PTPRD: variants seen among roughly 807,000 people sequenced by gnomAD.
PTPRD encodes protein tyrosine phosphatase receptor type D, also known as receptor-type tyrosine-protein phosphatase delta.
Under a neutral mutation model 214.5 loss-of-function variants are expected in PTPRD, and 34 were observed. The ratio of observed to expected loss-of-function variants is 0.16; its 90% CI spans 0.12 to 0.21. PTPRD has a LOEUF of 0.21. Among genes scored for constraint, PTPRD ranks in the 10% least tolerant of loss-of-function variants. The probability of loss-of-function intolerance (pLI) is 1.00; values close to 1 mark genes in which losing one functional copy is unlikely to be tolerated. For synonymous variants in PTPRD, 1,128 were observed against 845.7 expected (o/e 1.33, Z -5.79); for missense variants, 2,545 against 2,398.7 (o/e 1.06, Z -1.27).
At chr9:8,440,377 G>A (rs1170481763) in intron 34 of PTPRD, among the ~76,000 whole-genome samples, 2 of 151,548 alleles carry the variant, frequency 1.3e-5, no homozygotes. Context: ...GTGCAGTGGT[G>A]CAATCTCGGC....
At chr9:8,359,278 C>T (rs2077842624) in intron 39 of PTPRD, among the ~76,000 whole-genome samples, 1 of 151,804 alleles carries the variant, frequency 6.6e-6, no homozygotes, top group South Asian at 2.1e-4. Flanking sequence ...CCCACCCCAA[C>T]CTAGAGAATC....
chr9:10,272,009 TG>T (rs2094450223), intron 3 of PTPRD, among the ~76,000 whole-genome samples: 1 of 151,372 alleles, frequency 6.6e-6, no homozygotes, highest in African/African-American at 2.4e-5. Context: ...ATATGAATTT[TG>T]TTATATTCAC....
At chr9:8,855,557 C>G (rs1029824291) in intron 11 of PTPRD, among the ~76,000 whole-genome samples, 1 of 152,076 alleles carries the variant, frequency 6.6e-6, no homozygotes, top group African/African-American at 2.4e-5. Context: ...TTGAGAGAGA[C>G]AGTGTTCCTA....
At chr9:10,232,328 T>C (rs961918340) in intron 3 of PTPRD, among the ~76,000 whole-genome samples, 6 of 151,988 alleles carry the variant, frequency 3.9e-5, no homozygotes, top group Admixed American at 3.9e-4. Flanking sequence ...CCAGAAATTA[T>C]ACTCTCCTCT....
chr9:9,356,358 C>A (rs2053786002), intron 9 of PTPRD, among the ~76,000 whole-genome samples: 1 of 151,254 alleles, frequency 6.6e-6, no homozygotes, highest in Non-Finnish European at 1.5e-5. Context: ...TGAGGGACAT[C>A]TAATGCAGAT....
intron 4 of PTPRD, among the ~76,000 whole-genome samples, chr9:10,030,429 T>C (rs2097036475): frequency 6.6e-6 from 1 of 152,192 alleles, no homozygotes; most frequent in Admixed American, 6.5e-5. Flanking sequence ...GTTGATTTGT[T>C]TCTCAGAAAT....
chr9:9,714,233 G>A (rs1296402883), intron 7 of PTPRD, among the ~76,000 whole-genome samples: 1 of 152,016 alleles, frequency 6.6e-6, no homozygotes, highest in Non-Finnish European at 1.5e-5. Context: ...TATAGCACAT[G>A]TTGTCTTGTA....
intron 3 of PTPRD, among the ~76,000 whole-genome samples, chr9:10,105,781 G>A (rs1452821333): frequency 6.6e-6 from 1 of 151,702 alleles, no homozygotes; most frequent in East Asian, 1.9e-4. Flanking sequence ...CAGTACAAGT[G>A]AAAGTGTAGT....
chr9:9,069,078 TAAG>T (rs1393201501), intron 10 of PTPRD, among the ~76,000 whole-genome samples: 1 of 152,186 alleles, frequency 6.6e-6, no homozygotes, highest in African/African-American at 2.4e-5. Flanking sequence ...TTTTATTCAA[TAAG>T]ACTACAGTGT....
intron 3 of PTPRD, among the ~76,000 whole-genome samples, chr9:10,240,479 T>C (rs997055173): frequency 2.6e-5 from 4 of 151,910 alleles, no homozygotes; most frequent in Non-Finnish European, 5.9e-5. Context: ...GAATGCATCA[T>C]AAAAGATCAC....
chr9:8,844,578 T>C, intron 11 of PTPRD, among the ~76,000 whole-genome samples: 1 of 152,210 alleles, frequency 6.6e-6, no homozygotes. Flanking sequence ...ACTAACCATC[T>C]GTACAATAAT....
At chr9:9,598,839 T>G (rs1308401816) in intron 7 of PTPRD, among the ~76,000 whole-genome samples, 1 of 152,022 alleles carries the variant, frequency 6.6e-6, no homozygotes, top group Non-Finnish European at 1.5e-5. Context: ...ATTCTGGCTT[T>G]ACTAATTCTC....
At chr9:9,348,099 T>C (rs576293028) in intron 9 of PTPRD, among the ~76,000 whole-genome samples, 11 of 152,238 alleles carry the variant, frequency 7.2e-5, no homozygotes, top group Non-Finnish European at 1.2e-4. Flanking sequence ...ATTGAATAGG[T>C]TGCTAATGCA....
chr9:9,601,109 ATATGTG>A (rs1274609067), intron 7 of PTPRD, among the ~76,000 whole-genome samples: 309 of 102,164 alleles, frequency 3.0e-3, no homozygotes, highest in African/African-American at 9.9e-3. Context: ...AGAGATTAAT[ATATGTG>A]TGTGTGTGTG....
chr9:8,855,353 T>C (rs910881082), intron 11 of PTPRD, among the ~76,000 whole-genome samples: 58 of 152,184 alleles, frequency 3.8e-4, no homozygotes, highest in Non-Finnish European at 5.6e-4. Flanking sequence ...TAAGCAGTTT[T>C]ACATCTATGG....
intron 2 of PTPRD, among the ~76,000 whole-genome samples, chr9:10,577,451 C>G (rs2069815169): frequency 6.6e-6 from 1 of 152,140 alleles, no homozygotes; most frequent in South Asian, 2.1e-4. Flanking sequence ...TTTAAAACCT[C>G]CAACTGATAT....
chr9:10,133,924 T>C (rs546334665), intron 3 of PTPRD, among the ~76,000 whole-genome samples: 8 of 152,252 alleles, frequency 5.3e-5, no homozygotes, highest in East Asian at 3.9e-4. Flanking sequence ...CACAGTGACA[T>C]ATAAATGAGG....
chr9:8,654,425 A>G (rs1208806085), intron 12 of PTPRD, among the ~76,000 whole-genome samples: 1 of 152,196 alleles, frequency 6.6e-6, no homozygotes, highest in African/African-American at 2.4e-5. Flanking sequence ...TGCTTCCACT[A>G]AAGTTTATGG....
chr9:10,179,640 T>C, intron 3 of PTPRD, among the ~76,000 whole-genome samples: 1 of 152,066 alleles, frequency 6.6e-6, no homozygotes, highest in East Asian at 1.9e-4. Flanking sequence ...TTGCATGCAA[T>C]GCAATTTTCA....
Sources: allele counts gnomAD v4.1 joint callset (sites outside exome capture counted in the v4.1 genomes callset), GRCh38; gene constraint gnomAD v4.1.1; transcripts MANE v1.5; gene names NCBI Gene and HGNC (gene_info 2026-07-23, HGNC 2026-07-21).